Variants in SH3KBP1 observed in about 807,000 individuals in gnomAD.
SH3KBP1 encodes the protein SH3 domain-containing kinase-binding protein 1.
SH3KBP1 carries 8 observed loss-of-function variants against 50.1 expected under a neutral mutation model. The ratio of observed to expected loss-of-function variants is 0.16; its 90% CI spans 0.09 to 0.29. The LOEUF (loss-of-function observed/expected upper bound fraction) is 0.29, where lower values mean the gene tolerates loss of function less well. Ranked by LOEUF, SH3KBP1 falls within the 10% of genes least tolerant of loss-of-function variation. The probability of loss-of-function intolerance (pLI) is 1.00; values close to 1 mark genes in which losing one functional copy is unlikely to be tolerated. For missense variants in SH3KBP1, 377 were observed against 535.2 expected, an observed-to-expected ratio of 0.70 and a Z score of 2.92; for synonymous variants, 227 against 218.6, an observed-to-expected ratio of 1.04 and a Z score of -0.34.
At position 19,856,484 on chromosome X, in the gene SH3KBP1, G is replaced by A. The variant is rs983226679; in HGVS notation, c.5-20202C>T. On this transcript the variant is annotated intron_variant, in intron 1 of 17. Coordinates refer to ENST00000397821, the MANE Select transcript of SH3KBP1 (RefSeq NM_031892.3). ...CTTGTCAGTAGCGACCTTTAAGGCCGATAACATCCCCACTTCCTTTTCTCA... is the reference window on the plus strand; with the variant it reads ...CTTGTCAGTAGCGACCTTTAAGGCCAATAACATCCCCACTTCCTTTTCTCA... Among the ~76,000 whole-genome samples the A allele has an allele frequency of 9.9e-5, 11 of 111,588 alleles. 1 individual carries two copies. Among genetic ancestry groups the A allele is most frequent in the African/African-American group, 1.6e-4 (5 of 30,669 alleles).
intron 6 of SH3KBP1, among the ~76,000 whole-genome samples, chrX:19,678,350 T>A (rs1282308052): frequency 6.0e-5 from 5 of 83,245 alleles, no homozygotes; most frequent in Admixed American, 4.1e-4. Flanking sequence ...TTCCAGGAGG[T>A]TTTTTTTTTT....
At chrX:19,830,452 G>A (rs2067837857) in intron 2 of SH3KBP1, among the ~76,000 whole-genome samples, 1 of 111,669 alleles carries the variant, frequency 9.0e-6, no homozygotes, top group African/African-American at 3.3e-5. Flanking sequence ...AAAGAAAAAT[G>A]TATTCCAAAA....
At chrX:19,668,974 A>ATATATATTTT (rs1491195501) in intron 6 of SH3KBP1, among the ~76,000 whole-genome samples, 2 of 63,870 alleles carry the variant, frequency 3.1e-5, no homozygotes, top group Non-Finnish European at 5.9e-5. Context: ...ATATATATAT[A>ATATATATTTT]TTTTTTGAGA....
At chrX:19,882,402 G>C (rs1373104897) in intron 1 of SH3KBP1, among the ~76,000 whole-genome samples, 1 of 111,524 alleles carries the variant, frequency 9.0e-6, no homozygotes. Flanking sequence ...CATCACAGGA[G>C]TCCATACACA....
At position 19,607,968 on chromosome X, in the gene SH3KBP1, T is replaced by C; in HGVS notation, c.975A>G (p.Leu325=). ...CTTCCTTTTCAAAGTCCGGTGGAAG[T>C]AACTTCACGAAGTTATCGGGGAACA... The part of the protein sequence containing the change: ...RGVFPDNFVK[L]LPPDFEKEGN... Residue 325 remains leucine (L), a synonymous_variant, in exon 9 of 18, where the codon TTA becomes TTG. Coordinates refer to ENST00000397821, the MANE Select transcript of SH3KBP1 (RefSeq NM_031892.3). The C allele has an allele frequency of 6.6e-6, 8 of 1,211,012 alleles. No individual in the cohort carries two copies. The highest frequency in any genetic ancestry group is 7.8e-6 in the Non-Finnish European group (7 of 894,778).
chrX:19,575,619 A>G (rs936423), intron 12 of SH3KBP1, among the ~76,000 whole-genome samples: 35,445 of 110,408 alleles, frequency 0.32, 5,606 homozygotes, highest in African/African-American at 0.62. Context: ...CCAGAAGCAA[A>G]CCTATTTTGA....
At chrX:19,654,433 T>C (rs984795073) in intron 6 of SH3KBP1, among the ~76,000 whole-genome samples, 20 of 111,558 alleles carry the variant, frequency 1.8e-4, no homozygotes, top group Non-Finnish European at 3.2e-4. Flanking sequence ...TCAGACAATA[T>C]TAAAATCATG....
Position 19,825,174 on chromosome X carries a change from C to T in SH3KBP1, c.162+10951G>A, listed in dbSNP as rs921738237. Among the ~76,000 whole-genome samples, 5 of 111,782 alleles carry T rather than the reference C, an allele frequency of 4.5e-5. No homozygotes were observed. The East Asian group carries it at 1.4e-3, about 31-fold the overall frequency. On this transcript the variant is annotated intron_variant, in intron 2 of 17. Coordinates refer to ENST00000397821, the MANE Select transcript of SH3KBP1 (RefSeq NM_031892.3). ...ACGTGTGCTTACAAATTAATAATAA[C>T]GAAATATTTTCCCTAATTGCCTTAA...
chrX:19,867,822 T>G (rs763837933), intron 1 of SH3KBP1, among the ~76,000 whole-genome samples: 9 of 110,718 alleles, frequency 8.1e-5, no homozygotes, highest in Non-Finnish European at 1.3e-4. Context: ...ATTAGCGACT[T>G]AACCTCCCCC....
chrX:19,668,974 A>ATATATT lies in SH3KBP1; in HGVS notation c.726+14848_726+14849insAATATA, dbSNP rs1491195501. Among the ~76,000 whole-genome samples the ATATATT allele has an allele frequency of 2.0e-3, 127 of 63,853 alleles. 1 individual carries two copies. The highest frequency in any genetic ancestry group is 3.2e-3 in the Non-Finnish European group (108 of 33,849). 55.4% of individuals were successfully genotyped at this position (63,853 alleles called of 115,157 possible). On this transcript the variant is annotated intron_variant, in intron 6 of 17. Coordinates refer to ENST00000397821, the MANE Select transcript of SH3KBP1 (RefSeq NM_031892.3). ...TATATATATATATATATATATATAT[A>ATATATT]TTTTTTGAGACAGGCTGTCACTCTG...
chrX:19,727,231 T>C (rs1463029163), intron 3 of SH3KBP1, among the ~76,000 whole-genome samples: 7 of 112,281 alleles, frequency 6.2e-5, no homozygotes, highest in Non-Finnish European at 1.3e-4. Flanking sequence ...ACACTCACAT[T>C]GTTGTGCAAC....
intron 3 of SH3KBP1, chrX:19,740,849 A>G (rs2064746029): frequency 3.8e-6 from 1 of 265,587 alleles, no homozygotes; most frequent in South Asian, 4.1e-5. Flanking sequence ...CATGAGAAGC[A>G]TTCCAGGCCC....
intron 2 of SH3KBP1, among the ~76,000 whole-genome samples, chrX:19,764,081 T>C (rs1218389259): frequency 1.9e-5 from 2 of 105,277 alleles, no homozygotes; most frequent in Non-Finnish European, 3.9e-5. Flanking sequence ...CAAAAGTTAA[T>C]GCACATTATT....
intron 1 of SH3KBP1, among the ~76,000 whole-genome samples, chrX:19,874,068 A>AAAAATATATAT (rs1491537486): frequency 8.8e-5 from 5 of 57,043 alleles, no homozygotes; most frequent in African/African-American, 7.9e-4. Context: ...AAAAAAAAAA[A>AAAAATATATAT]ATATATATAT....
chrX:19,759,534 A>G (rs188349772), intron 2 of SH3KBP1, among the ~76,000 whole-genome samples: 11 of 112,221 alleles, frequency 9.8e-5, no homozygotes, highest in Admixed American at 1.9e-4. Flanking sequence ...TCGATTGTCA[A>G]GAATAAATTA....
intron 2 of SH3KBP1, among the ~76,000 whole-genome samples, chrX:19,760,387 A>T (rs965904303): frequency 1.1e-5 from 1 of 93,979 alleles, no homozygotes; most frequent in Admixed American, 1.1e-4. Context: ...ATTCTGTCTC[A>T]AAATAAATAA....
chrX:19,654,000 T>C (rs1602848990), intron 6 of SH3KBP1, among the ~76,000 whole-genome samples: 3 of 111,303 alleles, frequency 2.7e-5, no homozygotes. Flanking sequence ...AATATTTATT[T>C]GTCTTTTAGG....
At chrX:19,760,575 T>C (rs1181923243) in intron 2 of SH3KBP1, among the ~76,000 whole-genome samples, 1 of 108,953 alleles carries the variant, frequency 9.2e-6, no homozygotes, top group Non-Finnish European at 1.9e-5. Flanking sequence ...CATGTGTCAC[T>C]TGGGGCATGG....
intron 1 of SH3KBP1, among the ~76,000 whole-genome samples, chrX:19,865,155 G>A (rs2068872719): frequency 8.9e-6 from 1 of 112,518 alleles, no homozygotes; most frequent in Non-Finnish European, 1.9e-5. Flanking sequence ...ATGGAAGTTA[G>A]GCCTATTCTT....
Sources: gnomAD v4.1 joint callset for allele counts (sites outside exome capture counted in the v4.1 genomes callset) on GRCh38, gnomAD v4.1.1 for gene constraint, MANE v1.5 for transcripts, NCBI Gene and HGNC (gene_info 2026-07-23, HGNC 2026-07-21) for gene names.